The following TRIM72 variants were observed in gnomAD, a reference collection of about 807,000 sequenced individuals.
TRIM72 encodes tripartite motif containing 72.
A neutral mutation model predicts 31.6 loss-of-function variants in TRIM72; 33 were observed. The observed-to-expected ratio is 1.04, with a 90% CI of 0.79 to 1.40. The LOEUF (loss-of-function observed/expected upper bound fraction) is 1.40. TRIM72 is among the 40% of genes most tolerant of loss of function. The probability of loss-of-function intolerance (pLI) is 0.00; values close to 1 mark genes in which losing one functional copy is unlikely to be tolerated. For missense variants in TRIM72, 666 were observed against 682.7 expected, an observed-to-expected ratio of 0.98 and a Z score of 0.27; for synonymous variants, 301 against 314.4, an observed-to-expected ratio of 0.96 and a Z score of 0.45.
chr16:31,216,668 A>C lies in TRIM72; in HGVS notation c.390+1540A>C. 2 of 1,444,184 alleles carry C rather than the reference A, an allele frequency of 1.4e-6. No individual in the cohort carries two copies. The highest frequency in any genetic ancestry group is 1.9e-6 in the Non-Finnish European group (2 of 1,066,704). 89.5% of individuals were successfully genotyped at this position (1,444,184 alleles called of 1,614,324 possible). A position where few individuals can be genotyped will look rare whatever the true frequency, so the allele number is the denominator to read the frequency against. Reference sequence around the variant, plus strand: ...CCAGGAGGGACCCTGAAGGAGGGGAACAGGAAGGCTCTGGGCGGGACCTGA... The same window carrying C: ...CCAGGAGGGACCCTGAAGGAGGGGACCAGGAAGGCTCTGGGCGGGACCTGA... On this transcript the variant is annotated intron_variant, in intron 2 of 6. Transcript: ENST00000322122. This position sits in a 1 kb window ranked among gnomAD's most constrained non-coding sequence, Gnocchi z 6.7.
At position 31,227,549 on chromosome 16, in the gene TRIM72, C is replaced by T. The variant is rs918256421; in HGVS notation, c.*2794C>T. The T allele has an allele frequency of 1.3e-5, 2 of 152,032 alleles. No homozygotes were observed. The highest frequency in any genetic ancestry group is 2.9e-5 in the Non-Finnish European group (2 of 68,022). 9.4% of individuals were successfully genotyped at this position (152,032 alleles called of 1,614,324 possible). Reference sequence around the variant, plus strand: ...CGCCAGGCTGGTCTCGAACTCCTGACCTCAGGTGATCCACCCATTTTGGCC... The same window carrying T: ...CGCCAGGCTGGTCTCGAACTCCTGATCTCAGGTGATCCACCCATTTTGGCC... On this transcript the variant is annotated 3_prime_UTR_variant, in exon 7 of 7. Transcript: ENST00000322122.
rs181015820 is a variant in TRIM72, at chr16:31,220,683, C to T, written c.718-213C>T. Among the ~76,000 whole-genome samples the T allele has an allele frequency of 4.6e-5, 7 of 151,818 alleles. No individual in the cohort carries two copies. In the East Asian group the frequency reaches 1.4e-3, roughly 30 times the overall value. On this transcript the variant is annotated intron_variant, in intron 4 of 6. Coordinates refer to ENST00000322122, the MANE Select transcript of TRIM72 (RefSeq NM_001008274.4). ...ATGGGGTTTCACCATGTTGGCCAGG[C>T]TGGTCTCGAACTCCTGGCCTCAAGC...
intron 6 of TRIM72, among the ~76,000 whole-genome samples, chr16:31,223,529 T>C (rs2079542623): frequency 6.6e-6 from 1 of 152,200 alleles, no homozygotes; most frequent in African/African-American, 2.4e-5. Context: ...GGGTCTAGGC[T>C]GATGTGAAGA....
chr16:31,224,812 TG>T lies in TRIM72; in HGVS notation c.*59del, dbSNP rs2079549742. On this transcript the variant is annotated 3_prime_UTR_variant, in exon 7 of 7. Transcript: ENST00000322122. Reference sequence around the variant, plus strand: ...GCCTGGGTTGAAGCTTAGGTCTCCTTGGTCGGGTCTGACGGGAGAAGGGTGG... The same window carrying T: ...GCCTGGGTTGAAGCTTAGGTCTCCTTGTCGGGTCTGACGGGAGAAGGGTGG... 1.0e-5 allele frequency: 14 copies of T among 1,402,298 alleles called. No homozygotes were observed. In the South Asian group the frequency reaches 2.0e-4, roughly 20 times the overall value. 86.9% of individuals were successfully genotyped at this position (1,402,298 alleles called of 1,614,324 possible). A position where few individuals can be genotyped will look rare whatever the true frequency, so the allele number is the denominator to read the frequency against.
rs956976397 is a variant in TRIM72, at chr16:31,229,348, C to T, written c.*4593C>T. 1 of 152,270 alleles carries T rather than the reference C, an allele frequency of 6.6e-6. No homozygotes were observed. Among genetic ancestry groups the T allele is most frequent in the Non-Finnish European group, 1.5e-5 (1 of 68,086 alleles). The allele number at this position is 152,270 out of a possible 1,614,324, so 9.4% of individuals were successfully genotyped here. ...TTCCGGGACCCGGGCTGGCTTTAGT[C>T]TCCCTGCAGAGCTGAGTAATGTATG... On this transcript the variant is annotated 3_prime_UTR_variant, in exon 7 of 7. Transcript: ENST00000322122.
Position 31,215,022 on chromosome 16 carries a change from T to A in TRIM72, c.284T>A (p.Ile95Asn), listed in dbSNP as rs567360429. ...HCEEHLDPLS[I>N]YCEQDRALVC... ...GAGGAGCACCTGGACCCGCTGAGCA[T>A]CTACTGCGAGCAGGACCGCGCGCTG... is the stretch of plus-strand genomic sequence containing the variant. The change falls in exon 2 of 7, where the codon ATC (isoleucine) becomes AAC (asparagine). Residue 95 changes from isoleucine (I) to asparagine (N), a missense_variant. Coordinates refer to ENST00000322122, the MANE Select transcript of TRIM72 (RefSeq NM_001008274.4). This position sits in a 1 kb window ranked among gnomAD's most constrained non-coding sequence, Gnocchi z 6.3. 1.3e-5 allele frequency: 19 copies of A among 1,507,906 alleles called. No individual in the cohort carries two copies. In the South Asian group the frequency reaches 1.7e-4, roughly 14 times the overall value. The allele number at this position is 1,507,906 out of a possible 1,614,324, so 93.4% of individuals were successfully genotyped here. A position where few individuals can be genotyped will look rare whatever the true frequency, so the allele number is the denominator to read the frequency against.
At chr16:31,214,633 C>T (rs954666640) in intron 1 of TRIM72, 99 bp from the exon 2 acceptor site, 11 of 1,293,638 alleles carry the variant, frequency 8.5e-6, no homozygotes, top group Non-Finnish European at 1.1e-5. Flanking sequence ...GGGCTTCTCC[C>T]TGCGGGGCGG....
In TRIM72 at chr16:31,219,023, C is replaced by A; in HGVS notation, c.391-72C>A. ...GGCATTGAGGTTGAGCCACAGAGGG[C>A]AGGTTTAGGATGGGAGGTGTGGGTT... On this transcript the variant is annotated intron_variant, in intron 2 of 6. Transcript: ENST00000322122. The surrounding 1 kb of genome is among the most constrained non-coding windows in gnomAD (Gnocchi z 4.2). The A allele has an allele frequency of 7.2e-7, 1 of 1,396,738 alleles. No individual in the cohort carries two copies. The highest frequency in any genetic ancestry group is 9.8e-7 in the Non-Finnish European group (1 of 1,020,052). 86.5% of individuals were successfully genotyped at this position (1,396,738 alleles called of 1,614,324 possible).
chr16:31,226,919 G>A lies in TRIM72; in HGVS notation c.*2164G>A, dbSNP rs765404798. 1 of 152,376 alleles carries A rather than the reference G, an allele frequency of 6.6e-6. No individual in the cohort carries two copies. The highest frequency in any genetic ancestry group is 1.5e-5 in the Non-Finnish European group (1 of 68,174). 9.4% of individuals were successfully genotyped at this position (152,376 alleles called of 1,614,324 possible). A position where few individuals can be genotyped will look rare whatever the true frequency, so the allele number is the denominator to read the frequency against. On this transcript the variant is annotated 3_prime_UTR_variant, in exon 7 of 7. Coordinates refer to ENST00000322122, the MANE Select transcript of TRIM72 (RefSeq NM_001008274.4). ...TGCGGAGGTTTTCTCGGGAGATGGT[G>A]GGTATGGGACTAAGGGTGAAAGGGA...
chr16:31,224,780 C>T lies in TRIM72; in HGVS notation c.*25C>T, dbSNP rs1041862866. 4 of 1,435,806 alleles carry T rather than the reference C, an allele frequency of 2.8e-6. 1 individual carries two copies. In the South Asian group the frequency reaches 4.3e-5, roughly 15 times the overall value. 88.9% of individuals were successfully genotyped at this position (1,435,806 alleles called of 1,614,324 possible). A position where few individuals can be genotyped will look rare whatever the true frequency, so the allele number is the denominator to read the frequency against. On this transcript the variant is annotated 3_prime_UTR_variant, in exon 7 of 7. Transcript: ENST00000322122. Reference sequence around the variant, plus strand: ...AGCCGCCGGACGGGTAGTGGAGGGGCGCGGGGGCCTGGGTTGAAGCTTAGG... The same window carrying T: ...AGCCGCCGGACGGGTAGTGGAGGGGTGCGGGGGCCTGGGTTGAAGCTTAGG...
intron 4 of TRIM72, 128 bp from the exon 5 acceptor site, chr16:31,220,768 G>A (rs969023525): frequency 1.1e-5 from 14 of 1,268,182 alleles, no homozygotes; most frequent in Admixed American, 3.4e-5. Flanking sequence ...ACCTCGTCTG[G>A]CCTCTTTTAG....
chr16:31,227,500 C>G lies in TRIM72; in HGVS notation c.*2745C>G, dbSNP rs764728566. The stretch of plus-strand genomic sequence containing the variant: ...AAGGGATTCTCCTGCCTCAGCCTCC[C>G]GAGTAGCTGGGATTACAGGTGCCCG... On this transcript the variant is annotated 3_prime_UTR_variant, in exon 7 of 7. Coordinates refer to ENST00000322122, the MANE Select transcript of TRIM72 (RefSeq NM_001008274.4). 6.6e-6 allele frequency: 1 copy of G among 152,208 alleles called. No individual in the cohort carries two copies. 9.4% of individuals were successfully genotyped at this position (152,208 alleles called of 1,614,324 possible). A position where few individuals can be genotyped will look rare whatever the true frequency, so the allele number is the denominator to read the frequency against.
chr16:31,224,694 A>G lies in TRIM72; in HGVS notation c.1373A>G (p.His458Arg), dbSNP rs1254046163. The G allele has an allele frequency of 1.9e-6, 3 of 1,545,042 alleles. No individual in the cohort carries two copies. The highest frequency in any genetic ancestry group is 2.4e-5 in the South Asian group (2 of 84,854). The change falls in exon 7 of 7, where the codon CAC becomes CGC. Residue 458 changes from histidine to arginine, a missense_variant. Physicochemically the swap from His to Arg is conservative, Grantham distance 29 (BLOSUM62 0). Coordinates refer to ENST00000322122, the MANE Select transcript of TRIM72 (RefSeq NM_001008274.4). ...PVYPFFDVCW[H>R]DKGKNAQPLL... ...TACCCCTTCTTCGACGTGTGCTGGC[A>G]CGACAAGGGCAAGAATGCCCAGCCG... is the stretch of plus-strand genomic sequence containing the variant.
rs1044629202 is a variant in TRIM72 at position 31,227,135 on chromosome 16, C to G, written c.*2380C>G. 6.6e-6 allele frequency: 1 copy of G among 152,164 alleles called. No individual in the cohort carries two copies. Among genetic ancestry groups the G allele is most frequent in the Non-Finnish European group, 1.5e-5 (1 of 68,038 alleles). The allele number at this position is 152,164 out of a possible 1,614,324, so 9.4% of individuals were successfully genotyped here. A position where few individuals can be genotyped will look rare whatever the true frequency, so the allele number is the denominator to read the frequency against. ...GATTATTTGGTTGTAAAATCCAACA[C>G]CATTAATAAAACTGTTATATTCTGA... On this transcript the variant is annotated 3_prime_UTR_variant, in exon 7 of 7. Coordinates refer to ENST00000322122, the MANE Select transcript of TRIM72 (RefSeq NM_001008274.4).
Position 31,214,755 on chromosome 16 carries a change from G to A in TRIM72, c.17G>A (p.Gly6Asp). The A allele has an allele frequency of 1.3e-6, 2 of 1,574,326 alleles. No homozygotes were observed. Among genetic ancestry groups the A allele is most frequent in the Middle Eastern group, 1.9e-4 (1 of 5,372 alleles). Residue 6 changes from glycine (G) to aspartate (D), a missense_variant, in exon 2 of 7, where the codon GGC becomes GAC. Coordinates refer to ENST00000322122, the MANE Select transcript of TRIM72 (RefSeq NM_001008274.4). ...AGGCCCGCCATGTCGGCTGCGCCCGGCCTCCTGCACCAGGAGCTGTCCTGC... is the reference window on the plus strand; with the variant it reads ...AGGCCCGCCATGTCGGCTGCGCCCGACCTCCTGCACCAGGAGCTGTCCTGC... MSAAP[G>D]LLHQELSCPL...
chr16:31,224,729 G>C lies in TRIM72; in HGVS notation c.1408G>C (p.Val470Leu). The change falls in exon 7 of 7, where the codon GTG becomes CTG. Residue 470 changes from valine (V) to leucine (L), a missense_variant. Coordinates refer to ENST00000322122, the MANE Select transcript of TRIM72 (RefSeq NM_001008274.4). ...KGKNAQPLLL[V>L]GPEGAEA The stretch of plus-strand genomic sequence containing the variant: ...CAAGAATGCCCAGCCGCTGCTGCTC[G>C]TGGGTCCCGAAGGCGCCGAGGCCTG... 1.3e-6 allele frequency: 2 copies of C among 1,521,548 alleles called. No individual in the cohort carries two copies. Among genetic ancestry groups the C allele is most frequent in the East Asian group, 2.5e-5 (1 of 39,900 alleles). The allele number at this position is 1,521,548 out of a possible 1,614,324, so 94.3% of individuals were successfully genotyped here.
rs2079513919 is a variant in TRIM72, at chr16:31,217,112, C to A, written c.391-1983C>A. On this transcript the variant is annotated intron_variant, in intron 2 of 6. Transcript: ENST00000322122. ...CTGCAGCAGGTGGAGCTGCCGCCCC[C>A]GGGGATGTCCCGGGAAGGAGACTGA... 4.2e-6 allele frequency: 6 copies of A among 1,417,172 alleles called. No individual in the cohort carries two copies. In the South Asian group the frequency reaches 7.9e-5, roughly 19 times the overall value. The allele number at this position is 1,417,172 out of a possible 1,614,324, so 87.8% of individuals were successfully genotyped here.
At position 31,219,967 on chromosome 16, in the gene TRIM72, G is replaced by T. The variant is rs1374409757; in HGVS notation, c.717+448G>T. ...TTCAGTAGAGACAGGGTTTCACCGT[G>T]TTAGCCAGGATGGTCTTGATCTCCT... On this transcript the variant is annotated intron_variant, in intron 4 of 6. Coordinates refer to ENST00000322122, the MANE Select transcript of TRIM72 (RefSeq NM_001008274.4). This position sits in a 1 kb window ranked among gnomAD's most constrained non-coding sequence, Gnocchi z 4.2. Among the ~76,000 whole-genome samples the T allele has an allele frequency of 1.3e-5, 2 of 152,054 alleles. No homozygotes were observed. Among genetic ancestry groups the T allele is most frequent in the East Asian group, 3.9e-4 (2 of 5,186 alleles).
At chr16:31,222,593 T>C (rs892629593) in intron 5 of TRIM72, among the ~76,000 whole-genome samples, 1 of 148,828 alleles carries the variant, frequency 6.7e-6, no homozygotes, top group Non-Finnish European at 1.5e-5. Flanking sequence ...GGGACTACAC[T>C]CTACCTCGCT....
Sources: allele counts gnomAD v4.1 joint callset (sites outside exome capture counted in the v4.1 genomes callset), GRCh38; gene constraint gnomAD v4.1.1; non-coding constraint Gnocchi (gnomAD v3.1); transcripts MANE v1.5; gene names NCBI Gene and HGNC (gene_info 2026-07-23, HGNC 2026-07-21).